Variants in CNTN4 observed in about 807,000 individuals in gnomAD.
CNTN4 encodes contactin-4.
CNTN4 carries 77 observed loss-of-function variants against 122.5 expected under a neutral mutation model. The observed-to-expected ratio is 0.63, with a 90% CI of 0.52 to 0.76. CNTN4 has a LOEUF of 0.76. CNTN4 is among the 30% of genes least tolerant of loss of function. CNTN4 has a pLI of 0.00. For missense variants in CNTN4, 1,256 were observed against 1,259.1 expected (o/e 1.00, Z 0.04); for synonymous variants, 512 against 447.0 (o/e 1.15, Z -1.83).
At chr3:2,716,616 C>T (rs2087513172) in intron 4 of CNTN4, among the ~76,000 whole-genome samples, 1 of 152,144 alleles carries the variant, frequency 6.6e-6, no homozygotes, top group South Asian at 2.1e-4. Flanking sequence ...AGATACACTC[C>T]ATATGCCTCT....
At chr3:2,376,884 G>A (rs924681930) in intron 3 of CNTN4, among the ~76,000 whole-genome samples, 4 of 152,020 alleles carry the variant, frequency 2.6e-5, no homozygotes, top group African/African-American at 7.2e-5. Context: ...TCAGCAGGGC[G>A]CGGTGGCTCA....
intron 2 of CNTN4, among the ~76,000 whole-genome samples, chr3:2,223,809 G>A (rs2039155406): frequency 6.6e-6 from 1 of 152,152 alleles, no homozygotes; most frequent in African/African-American, 2.4e-5. Flanking sequence ...TTGACACAAG[G>A]CTGGTTAACA....
intron 2 of CNTN4, among the ~76,000 whole-genome samples, chr3:2,130,732 A>T (rs550309929): frequency 6.6e-6 from 1 of 152,286 alleles, no homozygotes; most frequent in Admixed American, 6.5e-5. Context: ...TGTTTTGAAT[A>T]AACAGGTTTT....
intron 6 of CNTN4, among the ~76,000 whole-genome samples, chr3:2,760,252 T>G (rs2090527312): frequency 6.6e-6 from 1 of 152,220 alleles, no homozygotes; most frequent in Non-Finnish European, 1.5e-5. Flanking sequence ...CATTGCCTAA[T>G]CCAAGGTGAC....
chr3:2,157,428 A>C (rs9873153), intron 2 of CNTN4, among the ~76,000 whole-genome samples: 1 of 152,056 alleles, frequency 6.6e-6, no homozygotes, highest in South Asian at 2.1e-4. Flanking sequence ...TATTCAGAAC[A>C]ATCTGAGGAA....
intron 12 of CNTN4, among the ~76,000 whole-genome samples, chr3:2,918,664 A>G (rs4996693): frequency 0.68 from 103,823 of 151,724 alleles, 35,599 homozygotes; most frequent in Non-Finnish European, 0.71. Context: ...GTTTTATTTT[A>G]TTGTTTTGTT....
chr3:2,681,264 A>G (rs2150489069), intron 4 of CNTN4, among the ~76,000 whole-genome samples: 2 of 152,320 alleles, frequency 1.3e-5, no homozygotes, highest in Middle Eastern at 6.8e-3. Flanking sequence ...AAAACATGGC[A>G]CATAAGCTAT....
intron 2 of CNTN4, among the ~76,000 whole-genome samples, chr3:2,191,140 C>A (rs1312355601): frequency 6.6e-6 from 1 of 151,952 alleles, no homozygotes; most frequent in Non-Finnish European, 1.5e-5. Flanking sequence ...TGCTATGTTG[C>A]CCAGGCTGGC....
At chr3:2,434,332 A>T (rs1349615477) in intron 3 of CNTN4, among the ~76,000 whole-genome samples, 2 of 152,178 alleles carry the variant, frequency 1.3e-5, no homozygotes, top group Non-Finnish European at 2.9e-5. Context: ...AAATGTAAAA[A>T]TATATCTGTT....
At chr3:2,141,112 C>A (rs999934839) in intron 2 of CNTN4, among the ~76,000 whole-genome samples, 2 of 152,174 alleles carry the variant, frequency 1.3e-5, no homozygotes, top group South Asian at 2.1e-4. Context: ...AGCACCTTAG[C>A]ATTTCTACAA....
rs1258175352 is a variant in CNTN4, at chr3:2,669,801, C to T, written c.56-66414C>T. Among the ~76,000 whole-genome samples, 4 of 152,278 alleles carry T rather than the reference C, an allele frequency of 2.6e-5. No homozygotes were observed. In the East Asian group the frequency reaches 5.8e-4, roughly 22 times the overall value. Reference sequence around the variant, plus strand: ...GATTCTGGTATGTTGTGTCTTTGTTCTCCTTGGTTTCCAAGAACATCTTTA... The same window carrying T: ...GATTCTGGTATGTTGTGTCTTTGTTTTCCTTGGTTTCCAAGAACATCTTTA... On this transcript the variant is annotated intron_variant, in intron 4 of 24. Coordinates refer to ENST00000418658, the MANE Select transcript of CNTN4 (RefSeq NM_175607.3).
At chr3:2,485,049 C>T (rs530935697) in intron 3 of CNTN4, among the ~76,000 whole-genome samples, 1 of 152,222 alleles carries the variant, frequency 6.6e-6, no homozygotes, top group Admixed American at 6.5e-5. Flanking sequence ...GCTTAGCACC[C>T]TGGCCAGCAG....
chr3:2,558,817 T>C (rs190630611), intron 3 of CNTN4, among the ~76,000 whole-genome samples: 4 of 152,314 alleles, frequency 2.6e-5, no homozygotes, highest in Admixed American at 2.6e-4. Context: ...TGCTGTCCTT[T>C]GGAGATTCTT....
chr3:2,778,880 GA>G (rs1345727947), intron 6 of CNTN4, among the ~76,000 whole-genome samples: 29 of 152,220 alleles, frequency 1.9e-4, no homozygotes, highest in African/African-American at 6.7e-4. Flanking sequence ...TACTGTTAAG[GA>G]CTGTCACAAT....
At position 2,197,180 on chromosome 3, in the gene CNTN4, C is replaced by G. The variant is rs539036618; in HGVS notation, c.-145+96541C>G. Among the ~76,000 whole-genome samples the G allele has an allele frequency of 3.9e-5, 6 of 152,254 alleles. No individual in the cohort carries two copies. In the South Asian group the frequency reaches 1.2e-3, roughly 32 times the overall value. Reference sequence around the variant, plus strand: ...GAACCTTTACAATTTGGCATCACTTCCCTAGTTCTCTCTTCTCCATACTGG... The same window carrying G: ...GAACCTTTACAATTTGGCATCACTTGCCTAGTTCTCTCTTCTCCATACTGG... On this transcript the variant is annotated intron_variant, in intron 2 of 24. Transcript: ENST00000418658.
At chr3:2,425,897 T>C (rs1356030295) in intron 3 of CNTN4, among the ~76,000 whole-genome samples, 1 of 152,190 alleles carries the variant, frequency 6.6e-6, no homozygotes. Flanking sequence ...AGAATGCTAG[T>C]GATTTTTGCA....
intron 13 of CNTN4, among the ~76,000 whole-genome samples, chr3:2,987,700 G>A (rs551212980): frequency 6.6e-6 from 1 of 152,218 alleles, no homozygotes; most frequent in East Asian, 1.9e-4. Context: ...TTTTGCATCT[G>A]TCAACAAAAA....
chr3:2,344,278 ATTTT>A (rs4057746), intron 3 of CNTN4, among the ~76,000 whole-genome samples: 1 of 145,940 alleles, frequency 6.9e-6, no homozygotes, highest in Non-Finnish European at 1.5e-5. Context: ...GCCAGGTCAA[ATTTT>A]TTTTTTTTTT....
intron 3 of CNTN4, among the ~76,000 whole-genome samples, chr3:2,442,446 C>T (rs2048476015): frequency 6.6e-6 from 1 of 152,078 alleles, no homozygotes; most frequent in Non-Finnish European, 1.5e-5. Context: ...ATCTTGCTAT[C>T]TGCAAAGCAT....
Sources: gnomAD v4.1 joint callset for allele counts (sites outside exome capture counted in the v4.1 genomes callset) on GRCh38, gnomAD v4.1.1 for gene constraint, MANE v1.5 for transcripts, NCBI Gene and HGNC (gene_info 2026-07-23, HGNC 2026-07-21) for gene names.